The following SRGAP2 variants were observed in gnomAD, a reference collection of about 807,000 sequenced individuals.
The protein encoded by SRGAP2 is SLIT-ROBO Rho GTPase-activating protein 2.
In SRGAP2, 15 loss-of-function variants were observed where a neutral mutation model predicts 57.2. The ratio of observed to expected loss-of-function variants is 0.26; its 90% confidence interval spans 0.18 to 0.40. SRGAP2 has a LOEUF of 0.40. Among genes scored for constraint, SRGAP2 ranks in the 10% least tolerant of loss-of-function variants. The pLI is 1.00. For missense variants in SRGAP2, 520 were observed against 669.6 expected (o/e 0.78, Z 2.47); for synonymous variants, 249 against 248.0 (o/e 1.00, Z -0.04).
At chr1:206,411,948 G>A (rs939027831) in intron 10 of SRGAP2, among the ~76,000 whole-genome samples, 2 of 152,124 alleles carry the variant, frequency 1.3e-5, no homozygotes, top group Admixed American at 1.3e-4. Context: ...TCTATGCCAG[G>A]CCCTGTGCTA....
intron 3 of SRGAP2, among the ~76,000 whole-genome samples, chr1:206,325,245 AT>A (rs1414191413): frequency 2.0e-5 from 3 of 152,130 alleles, no homozygotes; most frequent in African/African-American, 4.8e-5. Context: ...AAGCTGGAAT[AT>A]ACTTATATAC....
At chr1:206,367,388 T>G (rs1313948526) in intron 4 of SRGAP2, among the ~76,000 whole-genome samples, 1 of 151,876 alleles carries the variant, frequency 6.6e-6, no homozygotes, top group African/African-American at 2.4e-5. Flanking sequence ...TGAAGGAGTT[T>G]ATGAGTTCAA....
intron 2 of SRGAP2, among the ~76,000 whole-genome samples, chr1:206,272,897 T>G (rs1571733191): frequency 6.6e-6 from 1 of 152,208 alleles, no homozygotes; most frequent in African/African-American, 2.4e-5. Flanking sequence ...CGTTAAAGCG[T>G]TCAGGATAGT....
Position 206,430,183 on chromosome 1 carries a change from C to G in SRGAP2, c.1516C>G (p.Leu506Val), listed in dbSNP as rs1661169238. The G allele has an allele frequency of 1.3e-6, 1 of 780,824 alleles. No homozygotes were observed. Among genetic ancestry groups the G allele is most frequent in the Middle Eastern group, 2.3e-4 (1 of 4,442 alleles). 48.4% of individuals were successfully genotyped at this position (780,824 alleles called of 1,614,324 possible). A position where few individuals can be genotyped will look rare whatever the true frequency, so the allele number is the denominator to read the frequency against. The change falls in exon 14 of 23, where the codon CTG becomes GTG. Residue 506 changes from leucine to valine, a missense_variant. This residue lies in a region of SRGAP2 where 478 missense variants were observed against 373.6 expected (regional missense o/e 1.28). Transcript: ENST00000573034. ...TCAGGACTCCAGCCAGGCAATTCCT[C>G]TGGTGGTGGAAAGCTGTATCCGGTT... is the stretch of plus-strand genomic sequence containing the variant. ...RKQDSSQAIP[L>V]VVESCIRFIS...
chr1:206,299,769 G>A (rs1452073211), intron 2 of SRGAP2, among the ~76,000 whole-genome samples: 1 of 151,888 alleles, frequency 6.6e-6, no homozygotes, highest in African/African-American at 2.4e-5. Flanking sequence ...ATGGTAACAA[G>A]GGAGGCATCT....
chr1:206,323,409 G>T (rs537807890), intron 3 of SRGAP2, among the ~76,000 whole-genome samples: 2 of 151,090 alleles, frequency 1.3e-5, no homozygotes, highest in East Asian at 2.0e-4. Flanking sequence ...GACATGCACT[G>T]AGAACAAACC....
At chr1:206,292,361 G>C (rs1671377252) in intron 2 of SRGAP2, among the ~76,000 whole-genome samples, 1 of 152,206 alleles carries the variant, frequency 6.6e-6, no homozygotes, top group Non-Finnish European at 1.5e-5. Flanking sequence ...GTGGGATTGA[G>C]AGTCACACAG....
At chr1:206,253,501 C>G (rs879980442) in intron 2 of SRGAP2, among the ~76,000 whole-genome samples, 1 of 151,568 alleles carries the variant, frequency 6.6e-6, no homozygotes, top group East Asian at 1.9e-4. Flanking sequence ...GTAAGAAATT[C>G]TTTTCTTCTT....
At chr1:206,256,833 G>A (rs1387331815) in intron 2 of SRGAP2, among the ~76,000 whole-genome samples, 2 of 152,196 alleles carry the variant, frequency 1.3e-5, no homozygotes, top group Admixed American at 1.3e-4. Context: ...GTTGTGTAAA[G>A]TCTTGCTTCC....
intron 2 of SRGAP2, among the ~76,000 whole-genome samples, chr1:206,227,880 A>C (rs1553305875): frequency 6.6e-6 from 1 of 151,768 alleles, no homozygotes; most frequent in African/African-American, 2.4e-5. Flanking sequence ...AAGTGCCCCT[A>C]AGCCTCCTTT....
chr1:206,380,458 C>T (rs1367972260), intron 4 of SRGAP2, among the ~76,000 whole-genome samples: 8 of 147,420 alleles, frequency 5.4e-5, no homozygotes, highest in African/African-American at 2.1e-4. Context: ...TGTACCACAT[C>T]TCTATTCTAA....
chr1:206,452,885 C>CAAAAAA (rs1166978056), intron 19 of SRGAP2, among the ~76,000 whole-genome samples: 1 of 62,118 alleles, frequency 1.6e-5, no homozygotes, highest in Non-Finnish European at 2.8e-5. Flanking sequence ...GACTCCATCC[C>CAAAAAA]AAAAAAAAAA....
chr1:206,440,416 C>T (rs1438813822), intron 17 of SRGAP2, among the ~76,000 whole-genome samples: 1 of 152,082 alleles, frequency 6.6e-6, no homozygotes, highest in African/African-American at 2.4e-5. Context: ...AGGTGGACAG[C>T]AGAGGCCTGC....
chr1:206,412,199 A>G (rs1190928307), intron 10 of SRGAP2, among the ~76,000 whole-genome samples: 2 of 152,244 alleles, frequency 1.3e-5, no homozygotes, highest in African/African-American at 4.8e-5. Flanking sequence ...ATACTTTTCA[A>G]TAAACAAAAC....
Position 206,454,746 on chromosome 1 carries a change from C to CCT in SRGAP2, c.2361-131_2361-130insTC. Reference sequence around the variant, plus strand: ...GCCTCTGCTCACAGAACTAGTCCAGCCAGGTGTCGCTGCTGCCTCAGAGCT... The same window carrying CCT: ...GCCTCTGCTCACAGAACTAGTCCAGCCTCAGGTGTCGCTGCTGCCTCAGAGCT... On this transcript the variant is annotated intron_variant, in intron 20 of 22. Transcript: ENST00000573034. The surrounding 1 kb of genome is among the most constrained non-coding windows in gnomAD (Gnocchi z 4.3). 1 of 607,588 alleles carries CCT rather than the reference C, an allele frequency of 1.6e-6. No individual in the cohort carries two copies. Among genetic ancestry groups the CCT allele is most frequent in the Non-Finnish European group, 2.9e-6 (1 of 340,444 alleles). The allele number at this position is 607,588 out of a possible 1,614,324, so 37.6% of individuals were successfully genotyped here.
At chr1:206,310,445 T>C (rs1402539972) in intron 3 of SRGAP2, among the ~76,000 whole-genome samples, 1 of 152,226 alleles carries the variant, frequency 6.6e-6, no homozygotes, top group Admixed American at 6.5e-5. Context: ...TCACCTGATA[T>C]ATTTTTAGCA....
intron 2 of SRGAP2, among the ~76,000 whole-genome samples, chr1:206,242,062 TG>T (rs1342919017): frequency 1.3e-5 from 2 of 150,382 alleles, no homozygotes; most frequent in East Asian, 2.0e-4. Context: ...TGAATTTGAT[TG>T]TTTTTTTGGC....
At chr1:206,256,308 A>G (rs1487933224) in intron 2 of SRGAP2, among the ~76,000 whole-genome samples, 2 of 152,158 alleles carry the variant, frequency 1.3e-5, no homozygotes, top group East Asian at 3.9e-4. Context: ...CAGCTGAACA[A>G]TTTGGGAGTC....
intron 10 of SRGAP2, among the ~76,000 whole-genome samples, chr1:206,414,979 ACAT>A: frequency 6.6e-6 from 1 of 152,366 alleles, no homozygotes; most frequent in South Asian, 2.1e-4. Context: ...GGTTAAGAGC[ACAT>A]GCTGTATTGT....
Sources: allele counts gnomAD v4.1 joint callset (sites outside exome capture counted in the v4.1 genomes callset), GRCh38; gene constraint gnomAD v4.1.1; regional missense constraint gnomAD v4.1.1; non-coding constraint Gnocchi (gnomAD v3.1); transcripts MANE v1.5; gene names NCBI Gene and HGNC (gene_info 2026-07-23, HGNC 2026-07-21).